The following DNAH17 variants were observed in gnomAD, a reference collection of about 807,000 sequenced individuals.
DNAH17 encodes the protein axonemal beta dynein heavy chain 17.
A neutral mutation model predicts 485.6 loss-of-function variants in DNAH17; 376 were observed. The observed-to-expected ratio is 0.77, with a 90% CI of 0.71 to 0.84. The LOEUF is 0.84. Among genes scored for constraint, DNAH17 ranks in the 40% least tolerant of loss-of-function variants. The pLI, the probability that DNAH17 is intolerant of heterozygous loss-of-function variation, is 0.00. For missense variants in DNAH17, 6,370 were observed against 5,839.3 expected, an observed-to-expected ratio of 1.09 and a Z score of -2.96; for synonymous variants, 3,031 against 2,405.9, an observed-to-expected ratio of 1.26 and a Z score of -7.60.
intron 13 of DNAH17, 55 bp downstream of exon 13, chr17:78,560,685 G>C: frequency 6.7e-7 from 1 of 1,483,958 alleles, no homozygotes; most frequent in Non-Finnish European, 9.0e-7. Flanking sequence ...ACCTTGGCAG[G>C]CCCTCCCCCC....
rs1331723209 is a variant in DNAH17 at position 78,466,705 on chromosome 17, C to T, written c.8890G>A (p.Ala2964Thr). ...IDWFHEWPED[A>T]LVSVSARFLE... ...AAGCGGGCGCTGACGGACACCAGCGCATCTTCCGGCCACTCGTGGAACCAG... is the reference window on the plus strand; with the variant it reads ...AAGCGGGCGCTGACGGACACCAGCGTATCTTCCGGCCACTCGTGGAACCAG... Residue 2964 changes from alanine to threonine, a missense_variant, in exon 56 of 81, where the codon GCG becomes ACG. By Grantham distance (58) the Ala-to-Thr change is moderately conservative. Transcript: ENST00000389840. 9 of 1,612,530 alleles carry T rather than the reference C, an allele frequency of 5.6e-6. No individual in the cohort carries two copies. Among genetic ancestry groups the T allele is most frequent in the African/African-American group, 4.0e-5 (3 of 74,782 alleles).
In DNAH17 at chr17:78,523,043, C is replaced by G. The variant is rs565986531; in HGVS notation, c.3864+1966G>C. On this transcript the variant is annotated intron_variant, in intron 25 of 80. Transcript: ENST00000389840. ...TAATTTTTTGTATTTTTAGTAGAAACAGGGGTCTTGCTATGTTGCCTAGTC... is the reference window on the plus strand; with the variant it reads ...TAATTTTTTGTATTTTTAGTAGAAAGAGGGGTCTTGCTATGTTGCCTAGTC... Among the ~76,000 whole-genome samples the G allele has an allele frequency of 6.1e-4, 93 of 152,234 alleles. 1 individual carries two copies. Among genetic ancestry groups the G allele is most frequent in the African/African-American group, 2.1e-3 (86 of 41,548 alleles).
chr17:78,459,337 G>C (rs1859398282), intron 60 of DNAH17, 129 bp from the exon 61 acceptor site: 1 of 915,336 alleles, frequency 1.1e-6, no homozygotes, highest in Non-Finnish European at 1.7e-6. Flanking sequence ...CACACAGTCA[G>C]GCTGGCCCTA....
chr17:78,442,282 A>C (rs1020025161), intron 71 of DNAH17, among the ~76,000 whole-genome samples: 3 of 152,180 alleles, frequency 2.0e-5, no homozygotes, highest in African/African-American at 4.8e-5. Context: ...TTCAACCAGC[A>C]ATCAGCCGGC....
At chr17:78,575,510 A>C (rs924204311) in intron 1 of DNAH17, among the ~76,000 whole-genome samples, 11 of 152,176 alleles carry the variant, frequency 7.2e-5, no homozygotes, top group Non-Finnish European at 1.0e-4. Context: ...GCAGCCCCAG[A>C]GTATGTGTGA....
intron 16 of DNAH17, among the ~76,000 whole-genome samples, chr17:78,547,553 T>C (rs968982136): frequency 6.6e-6 from 1 of 152,142 alleles, no homozygotes; most frequent in Non-Finnish European, 1.5e-5. Flanking sequence ...CACTCAGGCC[T>C]TCCTTTAATT....
At position 78,505,366 on chromosome 17, in the gene DNAH17, T is replaced by G; in HGVS notation, c.4883A>C (p.Lys1628Thr). 1 of 1,613,918 alleles carries G rather than the reference T, an allele frequency of 6.2e-7. No individual in the cohort carries two copies. Reference sequence around the variant, plus strand: ...CTTGCTGTACATTCCCAGGCCCACCTTGAGAGGTTTGTCACTGGCATCGAG... The same window carrying G: ...CTTGCTGTACATTCCCAGGCCCACCGTGAGAGGTTTGTCACTGGCATCGAG... ...FRLDASDKPL[K>T]VGLGMYSKED... The change falls in exon 31 of 81, where the codon AAG (lysine) becomes ACG (threonine). Residue 1628 changes from lysine to threonine, a missense_variant. Lys to Thr is a moderately conservative substitution (Grantham distance 78). Transcript: ENST00000389840.
intron 74 of DNAH17, among the ~76,000 whole-genome samples, chr17:78,436,408 A>G (rs80318050): frequency 6.6e-6 from 1 of 152,044 alleles, no homozygotes; most frequent in Non-Finnish European, 1.5e-5. Flanking sequence ...AGCCTGGGCA[A>G]TAAGAGCGAA....
At position 78,561,929 on chromosome 17, in the gene DNAH17, C is replaced by A. The variant is rs1023997622; in HGVS notation, c.1621G>T (p.Val541Leu). ...LMERPLILAEVAPRYSVMLEL... is the reference protein window; with the variant it reads ...LMERPLILAELAPRYSVMLEL... ...AGCATGACTGAATACCTGGGCGCCA[C>A]CTCGGCAAGAATCAGGGGCCGCTCC... The change falls in exon 12 of 81, where the codon GTG (valine) becomes TTG (leucine). Residue 541 changes from valine to leucine, a missense_variant. Transcript: ENST00000389840. 2.5e-6 allele frequency: 4 copies of A among 1,613,368 alleles called. No homozygotes were observed. The highest frequency in any genetic ancestry group is 3.4e-6 in the Non-Finnish European group (4 of 1,179,628).
intron 56 of DNAH17, among the ~76,000 whole-genome samples, chr17:78,465,442 G>A (rs1376889847): frequency 1.4e-5 from 2 of 147,268 alleles, no homozygotes; most frequent in African/African-American, 5.0e-5. Context: ...TCTGGAAAGT[G>A]AGGAGCGTCT....
At chr17:78,538,700 T>G (rs1001023149) in intron 18 of DNAH17, among the ~76,000 whole-genome samples, 17 of 152,186 alleles carry the variant, frequency 1.1e-4, no homozygotes, top group African/African-American at 3.9e-4. Flanking sequence ...TGGTTTTTGT[T>G]GAGACGCTTT....
chr17:78,560,110 G>A (rs113896951), intron 13 of DNAH17, among the ~76,000 whole-genome samples: 6,390 of 152,046 alleles, frequency 0.042, 200 homozygotes, highest in Middle Eastern at 0.099. Flanking sequence ...CATCCTCCCC[G>A]CCCTCCTGCC....
intron 78 of DNAH17, 29 bp from the exon 79 acceptor site, chr17:78,426,629 G>GCCCTGAGCTGGGGC (rs1568034681): frequency 6.4e-7 from 1 of 1,571,270 alleles, no homozygotes; most frequent in Admixed American, 1.8e-5. Flanking sequence ...GGTGTGGGGA[G>GCCCTGAGCTGGGGC]CCCTGAGCTG....
intron 68 of DNAH17, 61 bp downstream of exon 68, chr17:78,450,193 T>C: frequency 1.3e-6 from 2 of 1,592,812 alleles, no homozygotes; most frequent in Non-Finnish European, 1.7e-6. Context: ...CAGGCCTGGC[T>C]GTGGAGCCCA....
At chr17:78,468,988 G>C in intron 54 of DNAH17, 105 bp from the exon 55 acceptor site, 2 of 1,385,866 alleles carry the variant, frequency 1.4e-6, no homozygotes, top group Non-Finnish European at 1.9e-6. Context: ...CTTTGAGACG[G>C]AGTCTCGCTC....
rs28484639 is a variant in DNAH17 at position 78,491,131 on chromosome 17, C to A, written c.6670-284G>T. ...CATCCTGGAAAGTATTGTGTTCCTT[C>A]CTGCATCCAACTGAGGAGCATTTTT... On this transcript the variant is annotated intron_variant, in intron 43 of 80. Coordinates refer to ENST00000389840, the MANE Select transcript of DNAH17 (RefSeq NM_173628.4). 7.2e-3 allele frequency among the ~76,000 whole-genome samples: 1,104 copies of A among 152,352 alleles called. 7 individuals are homozygous for A. Among genetic ancestry groups the A allele is most frequent in the African/African-American group, 0.025 (1,038 of 41,582 alleles).
At chr17:78,568,585 C>G (rs971408358) in intron 9 of DNAH17, among the ~76,000 whole-genome samples, 2 of 152,160 alleles carry the variant, frequency 1.3e-5, no homozygotes, top group Non-Finnish European at 2.9e-5. Context: ...CAGAGAAAAC[C>G]GCCTTGAAGC....
chr17:78,428,491 TCCTC>T, intron 77 of DNAH17, 30 bp downstream of exon 77: 1 of 1,560,412 alleles, frequency 6.4e-7, no homozygotes, highest in Admixed American at 1.9e-5. Flanking sequence ...TCCTCCCCCT[TCCTC>T]TCGCTTGGGA....
chr17:78,561,575 G>A, intron 12 of DNAH17, 140 bp downstream of exon 12: 1 of 1,025,252 alleles, frequency 9.8e-7, no homozygotes, highest in Non-Finnish European at 1.4e-6. Flanking sequence ...GACCAGAAGG[G>A]GTCTCTTCTG....
Sources: gnomAD v4.1 joint callset for allele counts (sites outside exome capture counted in the v4.1 genomes callset) on GRCh38, gnomAD v4.1.1 for gene constraint, MANE v1.5 for transcripts, NCBI Gene and HGNC (gene_info 2026-07-23, HGNC 2026-07-21) for gene names.